PCDHA7: variants seen among roughly 807,000 people sequenced by gnomAD.
The protein encoded by PCDHA7 is protocadherin alpha 7.
Under a neutral mutation model 57.2 loss-of-function variants are expected in PCDHA7, and 37 were observed. The observed-to-expected ratio is 0.65, with a 90% CI of 0.50 to 0.85. PCDHA7 has a LOEUF of 0.85. Among genes scored for constraint, PCDHA7 ranks in the 40% least tolerant of loss-of-function variants. The pLI, the probability that PCDHA7 is intolerant of heterozygous loss-of-function variation, is 0.00. For missense variants in PCDHA7, 1,188 were observed against 1,241.8 expected (o/e 0.96, Z 0.65); for synonymous variants, 553 against 558.8 (o/e 0.99, Z 0.15).
intron 1 of PCDHA7, chr5:140,869,468 A>T (rs1221686748): frequency 1.9e-5 from 31 of 1,614,054 alleles, no homozygotes; most frequent in Non-Finnish European, 2.6e-5. Flanking sequence ...GTGAACGTGG[A>T]GGTGAAGGAC....
In PCDHA7 at chr5:140,843,697, T is replaced by C. The variant is rs2150365268; in HGVS notation, c.2355+6959T>C. 3.9e-5 allele frequency: 61 copies of C among 1,583,460 alleles called. 6 individuals carry two copies. Among genetic ancestry groups the C allele is most frequent in the Middle Eastern group, 1.7e-4 (1 of 5,990 alleles). ...ATGTAGGCGAAGAGCAAGATTTAAA[T>C]GTTGATCATGGCCTCAAAGTAAGTC... On this transcript the variant is annotated intron_variant, in intron 1 of 3. Coordinates refer to ENST00000525929, the MANE Select transcript of PCDHA7 (RefSeq NM_018910.3).
Position 140,835,655 on chromosome 5 carries a change from G to A in PCDHA7, c.1272G>A (p.Val424=), listed in dbSNP as rs1554135164. 2 of 1,613,800 alleles carry A rather than the reference G, an allele frequency of 1.2e-6. No homozygotes were observed. The highest frequency in any genetic ancestry group is 8.5e-7 in the Non-Finnish European group (1 of 1,179,890). Reference sequence around the variant, plus strand: ...AGAGTGTGTCCGCCTATGAGCTGGTGGTTACCGCGCGGGACGGGGGCTCGC... The same window carrying A: ...AGAGTGTGTCCGCCTATGAGCTGGTAGTTACCGCGCGGGACGGGGGCTCGC... ...DRESVSAYEL[V]VTARDGGSPS... Residue 424 remains valine (V), a synonymous_variant, in exon 1 of 4, where the codon GTG becomes GTA. Coordinates refer to ENST00000525929, the MANE Select transcript of PCDHA7 (RefSeq NM_018910.3).
chr5:140,982,427 G>C, intron 2 of PCDHA7, 48 bp from the exon 3 acceptor site: 1 of 1,612,412 alleles, frequency 6.2e-7, no homozygotes, highest in Non-Finnish European at 8.5e-7. Context: ...GAAGAGATGG[G>C]AAAGAATTTA....
At chr5:140,885,189 C>T (rs1554182051) in intron 1 of PCDHA7, among the ~76,000 whole-genome samples, 1 of 151,992 alleles carries the variant, frequency 6.6e-6, no homozygotes, top group Non-Finnish European at 1.5e-5. Context: ...CATCAGTGTT[C>T]CCCTCTCATA....
At chr5:140,902,176 C>T (rs1488205989) in intron 1 of PCDHA7, among the ~76,000 whole-genome samples, 1 of 146,420 alleles carries the variant, frequency 6.8e-6, no homozygotes, top group Non-Finnish European at 1.5e-5. Context: ...TTTGGATGTC[C>T]TTTATGTCTT....
intron 1 of PCDHA7, among the ~76,000 whole-genome samples, chr5:140,916,217 A>T (rs1050976167): frequency 6.6e-6 from 1 of 152,132 alleles, no homozygotes; most frequent in Non-Finnish European, 1.5e-5. Context: ...GGAAGATCCA[A>T]ATATGCTTTC....
intron 1 of PCDHA7, among the ~76,000 whole-genome samples, chr5:140,962,940 A>G (rs1441801947): frequency 1.3e-5 from 2 of 152,186 alleles, no homozygotes; most frequent in African/African-American, 4.8e-5. Context: ...CCTCCTCTCC[A>G]TAAGATATGC....
chr5:140,952,219 C>T (rs1442706652), intron 1 of PCDHA7, among the ~76,000 whole-genome samples: 24 of 152,086 alleles, frequency 1.6e-4, no homozygotes, highest in African/African-American at 4.8e-4. Flanking sequence ...CTTTTCCAGG[C>T]ACAGTGTGCA....
chr5:140,842,494 C>T lies in PCDHA7; in HGVS notation c.2355+5756C>T, dbSNP rs2150337446. The T allele has an allele frequency of 1.1e-5, 17 of 1,613,862 alleles. No homozygotes were observed. In the South Asian group the frequency reaches 1.6e-4, roughly 16 times the overall value. On this transcript the variant is annotated intron_variant, in intron 1 of 3. Transcript: ENST00000525929. ...GGCAGGTGACCTGCTCCCTGATGCCCCATGTCCCCTTCAAGCTGGTGTCCA... is the reference window on the plus strand; with the variant it reads ...GGCAGGTGACCTGCTCCCTGATGCCTCATGTCCCCTTCAAGCTGGTGTCCA...
intron 1 of PCDHA7, among the ~76,000 whole-genome samples, chr5:140,913,649 T>A (rs1284685382): frequency 1.3e-5 from 2 of 152,166 alleles, no homozygotes; most frequent in Non-Finnish European, 2.9e-5. Flanking sequence ...TTTCTAGTTC[T>A]TTAAGATGTA....
Position 141,009,714 on chromosome 5 carries a change from A to G in PCDHA7, c.2591A>G (p.Lys864Arg), listed in dbSNP as rs1175529844. 1 of 1,613,966 alleles carries G rather than the reference A, an allele frequency of 6.2e-7. No homozygotes were observed. Among genetic ancestry groups the G allele is most frequent in the Non-Finnish European group, 8.5e-7 (1 of 1,180,012 alleles). Reference protein sequence around the residue: ...WTFKYGPGNPKQSGPGELPDK... With the variant: ...WTFKYGPGNPRQSGPGELPDK... ...TTTAAATACGGACCAGGCAACCCCA[A>G]ACAATCCGGTCCCGGTGAGTTGCCC... The change falls in exon 4 of 4, where the codon AAA becomes AGA. Residue 864 changes from lysine to arginine, a missense_variant. By Grantham distance (26) the Lys-to-Arg change is conservative. Transcript: ENST00000525929.
At position 141,010,020 on chromosome 5, in the gene PCDHA7, TTCCTA is replaced by T. The variant is rs1554262638; in HGVS notation, c.*86_*90del. 6.4e-7 allele frequency: 1 copy of T among 1,572,330 alleles called. No individual in the cohort carries two copies. Among genetic ancestry groups the T allele is most frequent in the Non-Finnish European group, 8.6e-7 (1 of 1,163,268 alleles). On this transcript the variant is annotated 3_prime_UTR_variant, in exon 4 of 4. Coordinates refer to ENST00000525929, the MANE Select transcript of PCDHA7 (RefSeq NM_018910.3). ...CCATGTAGCAATTCCCTGCTCCTTT[TTCCTA>T]TCTACATGAGCCCTCTTAGAGACCT...
intron 1 of PCDHA7, among the ~76,000 whole-genome samples, chr5:140,846,539 TA>T: frequency 6.7e-6 from 1 of 148,618 alleles, no homozygotes; most frequent in Middle Eastern, 3.5e-3. Context: ...CATGCCCTGC[TA>T]ATTTTTTGTA....
chr5:140,966,710 G>A, intron 1 of PCDHA7: 1 of 1,391,664 alleles, frequency 7.2e-7, no homozygotes, highest in Non-Finnish European at 9.3e-7. Flanking sequence ...GTGGGGCACG[G>A]CTGGGGAAGC....
At chr5:140,870,912 C>A in intron 1 of PCDHA7, 1 of 1,613,952 alleles carries the variant, frequency 6.2e-7, no homozygotes, top group South Asian at 1.1e-5. Context: ...CAGGCTACAA[C>A]GCGTGGCTTT....
intron 3 of PCDHA7, among the ~76,000 whole-genome samples, chr5:140,987,224 A>AT (rs34154612): frequency 0.031 from 4,713 of 152,034 alleles, 257 homozygotes; most frequent in African/African-American, 0.11. Context: ...AAAAAAAAAA[A>AT]AAATAATAAA....
intron 1 of PCDHA7, among the ~76,000 whole-genome samples, chr5:140,977,165 T>C (rs921089293): frequency 1.3e-5 from 2 of 152,156 alleles, no homozygotes; most frequent in Non-Finnish European, 2.9e-5. Context: ...TTCAGCAAAA[T>C]GAGTTTGATG....
Position 140,988,605 on chromosome 5 carries a change from A to G in PCDHA7, c.2503+6042A>G, listed in dbSNP as rs558232011. Among the ~76,000 whole-genome samples, 7 of 152,332 alleles carry G rather than the reference A, an allele frequency of 4.6e-5. No homozygotes were observed. In the East Asian group the frequency reaches 1.2e-3, roughly 25 times the overall value. On this transcript the variant is annotated intron_variant, in intron 3 of 3. Coordinates refer to ENST00000525929, the MANE Select transcript of PCDHA7 (RefSeq NM_018910.3). ...TTCCACTTTTAATGGTCATGTAAAT[A>G]AAAGACTAGAATGGAGATGTCCTGG...
chr5:140,851,307 T>C (rs1562478803), intron 1 of PCDHA7: 21 of 1,000,198 alleles, frequency 2.1e-5, no homozygotes, highest in Non-Finnish European at 2.6e-5. Context: ...TATATAGCAA[T>C]TGTTACCTTG....
Sources: gnomAD v4.1 joint callset for allele counts (sites outside exome capture counted in the v4.1 genomes callset) on GRCh38, gnomAD v4.1.1 for gene constraint, MANE v1.5 for transcripts, NCBI Gene and HGNC (gene_info 2026-07-23, HGNC 2026-07-21) for gene names.